Variants in MAP2 observed in about 807,000 individuals in gnomAD.
MAP2 encodes microtubule-associated protein 2.
A neutral mutation model predicts 137.6 loss-of-function variants in MAP2; 14 were observed. The observed-to-expected ratio is 0.10, with a 90% confidence interval of 0.07 to 0.16. MAP2 has a LOEUF of 0.16. Among genes scored for constraint, MAP2 ranks in the 10% least tolerant of loss-of-function variants. MAP2 has a pLI of 1.00. For missense variants in MAP2, 2,088 were observed against 2,191.5 expected, an observed-to-expected ratio of 0.95 and a Z score of 0.94; for synonymous variants, 786 against 782.3, an observed-to-expected ratio of 1.00 and a Z score of -0.08.
chr2:209,676,202 G>T (rs1172448063), intron 5 of MAP2, among the ~76,000 whole-genome samples: 1 of 151,926 alleles, frequency 6.6e-6, no homozygotes, highest in African/African-American at 2.4e-5. Flanking sequence ...GGAATACTAT[G>T]CAGCCATAAT....
At position 209,733,993 on chromosome 2, in the gene MAP2, C is replaced by T. The variant is rs2076124808; in HGVS notation, c.*3596C>T. 6.6e-6 allele frequency: 1 copy of T among 152,610 alleles called. No individual in the cohort carries two copies. The highest frequency in any genetic ancestry group is 2.1e-4 in the South Asian group (1 of 4,826). 9.5% of individuals were successfully genotyped at this position (152,610 alleles called of 1,614,324 possible). Reference sequence around the variant, plus strand: ...TTCTGATAATTCTAGAGCCTGTTACCATAGAAAGGCATTTCTTCAATGGCT... The same window carrying T: ...TTCTGATAATTCTAGAGCCTGTTACTATAGAAAGGCATTTCTTCAATGGCT... On this transcript the variant is annotated 3_prime_UTR_variant, in exon 16 of 16. Coordinates refer to ENST00000682079, the MANE Select transcript of MAP2 (RefSeq NM_001375505.1).
chr2:209,722,772 G>C (rs1300168601), intron 13 of MAP2, among the ~76,000 whole-genome samples: 3 of 152,146 alleles, frequency 2.0e-5, no homozygotes, highest in African/African-American at 7.2e-5. Context: ...ATGAATGTTT[G>C]ACTTCCCAAA....
At chr2:209,495,053 G>A (rs914717890) in intron 1 of MAP2, among the ~76,000 whole-genome samples, 1 of 152,166 alleles carries the variant, frequency 6.6e-6, no homozygotes, top group African/African-American at 2.4e-5. Flanking sequence ...AAAAGACATC[G>A]GTAAACAAAG....
chr2:209,640,870 A>G (rs1177955755), intron 4 of MAP2, among the ~76,000 whole-genome samples: 1 of 128,818 alleles, frequency 7.8e-6, no homozygotes, highest in East Asian at 2.4e-4. Context: ...TCCAGTTTCA[A>G]TTATCTATTC....
chr2:209,570,708 AAT>A (rs1028468591), intron 2 of MAP2, among the ~76,000 whole-genome samples: 13 of 151,950 alleles, frequency 8.6e-5, no homozygotes, highest in Non-Finnish European at 1.8e-4. Context: ...TGCTTGTGGG[AAT>A]TTTGGAAGCC....
chr2:209,458,206 G>A (rs1701993540), intron 1 of MAP2, among the ~76,000 whole-genome samples: 1 of 152,086 alleles, frequency 6.6e-6, no homozygotes, highest in African/African-American at 2.4e-5. Context: ...GAAACCACCT[G>A]TTAGTAAAGT....
intron 2 of MAP2, among the ~76,000 whole-genome samples, chr2:209,517,621 G>T (rs945242849): frequency 6.6e-6 from 1 of 151,760 alleles, no homozygotes; most frequent in Non-Finnish European, 1.5e-5. Context: ...TTTTTGATAC[G>T]TATCTCTTTA....
intron 2 of MAP2, among the ~76,000 whole-genome samples, chr2:209,514,458 T>C (rs2062175454): frequency 6.6e-6 from 1 of 152,106 alleles, no homozygotes; most frequent in Non-Finnish European, 1.5e-5. Flanking sequence ...ACCCCATGCT[T>C]ATGAAATCAG....
At chr2:209,513,410 A>G (rs189666716) in intron 2 of MAP2, among the ~76,000 whole-genome samples, 3 of 152,252 alleles carry the variant, frequency 2.0e-5, no homozygotes, top group East Asian at 1.9e-4. Context: ...TGCTGTCTCA[A>G]TAGGGCCTTG....
In MAP2 at chr2:209,466,335, T is replaced by C. The variant is rs573773447; in HGVS notation, c.-221-41257T>C. 4.6e-5 allele frequency among the ~76,000 whole-genome samples: 7 copies of C among 152,306 alleles called. No individual in the cohort carries two copies. The Middle Eastern group carries it at 0.01, about 222-fold the overall frequency. On this transcript the variant is annotated intron_variant, in intron 1 of 15. Transcript: ENST00000682079. ...AGTAGCTCTAATCCATACTGAATAC[T>C]TTTTCTAGACTGATTTTTCCCTAAA... is the stretch of plus-strand genomic sequence containing the variant.
intron 3 of MAP2, among the ~76,000 whole-genome samples, chr2:209,602,364 G>A (rs1373394631): frequency 6.6e-6 from 1 of 152,084 alleles, no homozygotes; most frequent in Non-Finnish European, 1.5e-5. Flanking sequence ...GGTATACTTG[G>A]CTACCCATCC....
At chr2:209,707,783 T>C (rs2063931745) in intron 12 of MAP2, among the ~76,000 whole-genome samples, 1 of 152,146 alleles carries the variant, frequency 6.6e-6, no homozygotes, top group South Asian at 2.1e-4. Flanking sequence ...GTTTATCTTC[T>C]TTCTCCAGAT....
intron 13 of MAP2, among the ~76,000 whole-genome samples, chr2:209,713,916 T>A (rs2066449154): frequency 6.6e-6 from 1 of 152,098 alleles, no homozygotes; most frequent in Non-Finnish European, 1.5e-5. Context: ...TGGCCAGGTG[T>A]GGTGGCTCAT....
At chr2:209,678,986 C>A (rs1402662516) in intron 6 of MAP2, among the ~76,000 whole-genome samples, 2 of 151,998 alleles carry the variant, frequency 1.3e-5, no homozygotes, top group African/African-American at 4.8e-5. Context: ...AAAGCCAATG[C>A]CTTATTTCAT....
chr2:209,434,833 C>CTCTATA (rs397966694), intron 1 of MAP2, among the ~76,000 whole-genome samples: 16 of 93,190 alleles, frequency 1.7e-4, no homozygotes, highest in East Asian at 1.6e-3. Context: ...CTCTCTCTCT[C>CTCTATA]TATATATATA....
intron 3 of MAP2, among the ~76,000 whole-genome samples, chr2:209,611,469 AAT>A (rs1285621467): frequency 6.6e-6 from 1 of 151,742 alleles, no homozygotes; most frequent in African/African-American, 2.4e-5. Context: ...ACACTGAAAA[AAT>A]ATATATATAA....
chr2:209,556,473 C>T (rs970180492), intron 2 of MAP2, among the ~76,000 whole-genome samples: 2 of 152,148 alleles, frequency 1.3e-5, no homozygotes, highest in South Asian at 2.1e-4. Context: ...GGATCTGCAT[C>T]CTAAATCTGT....
chr2:209,690,598 C>T lies in MAP2; in HGVS notation c.455-2027C>T, dbSNP rs1043217026. The T allele has an allele frequency of 1.3e-5, 16 of 1,275,694 alleles. 1 individual carries two copies. Among genetic ancestry groups the T allele is most frequent in the South Asian group, 2.6e-5 (2 of 78,298 alleles). The allele number at this position is 1,275,694 out of a possible 1,614,324, so 79.0% of individuals were successfully genotyped here. On this transcript the variant is annotated intron_variant, in intron 7 of 15. Coordinates refer to ENST00000682079, the MANE Select transcript of MAP2 (RefSeq NM_001375505.1). ...CATGATGTCAACATCTTTTTCATCC[C>T]TAAGAAGAAGAAACGCTAGAGAGTC...
chr2:209,669,289 G>A (rs191810212), intron 5 of MAP2, among the ~76,000 whole-genome samples: 11 of 152,150 alleles, frequency 7.2e-5, no homozygotes, highest in African/African-American at 2.6e-4. Flanking sequence ...TGTGAACATT[G>A]AGTGTACCTT....
Sources: allele counts gnomAD v4.1 joint callset (sites outside exome capture counted in the v4.1 genomes callset), GRCh38; gene constraint gnomAD v4.1.1; transcripts MANE v1.5; gene names NCBI Gene and HGNC (gene_info 2026-07-23, HGNC 2026-07-21).